The following TSPAN16 variants were observed in gnomAD, a reference collection of about 807,000 sequenced individuals.
The protein encoded by TSPAN16 is tetraspanin 16.
In TSPAN16, 23 loss-of-function variants were observed where a neutral mutation model predicts 25.2. The observed-to-expected ratio is 0.91, with a 90% CI of 0.66 to 1.29. TSPAN16 has a LOEUF of 1.29. Ranked by LOEUF, TSPAN16 falls within the 50% of genes most tolerant of loss-of-function variation. The pLI, the probability that TSPAN16 is intolerant of heterozygous loss-of-function variation, is 0.00. For missense variants in TSPAN16, 272 were observed against 299.9 expected, an observed-to-expected ratio of 0.91 and a Z score of 0.69; for synonymous variants, 123 against 124.4, an observed-to-expected ratio of 0.99 and a Z score of 0.08.
At chr19:11,318,478 T>A (rs2080760381), downstream of TSPAN16, among the ~76,000 whole-genome samples, 1 of 150,906 alleles carries the variant, frequency 6.6e-6, no homozygotes, top group South Asian at 2.1e-4. Context: ...ATCTTCTAAT[T>A]TAATTGAACT....
In TSPAN16 at chr19:11,312,231, C is replaced by T; in HGVS notation, c.687+9C>T. 1 of 1,605,286 alleles carries T rather than the reference C, an allele frequency of 6.2e-7. No individual in the cohort carries two copies. Among genetic ancestry groups the T allele is most frequent in the Non-Finnish European group, 8.5e-7 (1 of 1,174,754 alleles). On this transcript the variant is annotated intron_variant, in intron 6 of 6. Transcript: ENST00000590327. The stretch of plus-strand genomic sequence containing the variant: ...GAGCTGCAGTGATACAGGTAAGACC[C>T]AGCCTCTCTAGGGTCTTTGAGCTGT...
intron 4 of TSPAN16, among the ~76,000 whole-genome samples, chr19:11,302,997 C>T (rs2080581254): frequency 6.6e-6 from 1 of 150,456 alleles, no homozygotes; most frequent in Non-Finnish European, 1.5e-5. Context: ...CTCTGCCCGG[C>T]CGCCCCTACT....
At chr19:11,304,538 A>G (rs1270580778) in intron 4 of TSPAN16, among the ~76,000 whole-genome samples, 1 of 150,786 alleles carries the variant, frequency 6.6e-6, no homozygotes, top group Admixed American at 6.6e-5. Context: ...TTATTTATTT[A>G]TTTTGAGATG....
At chr19:11,308,275 T>C (rs912887996) in intron 5 of TSPAN16, among the ~76,000 whole-genome samples, 1 of 149,854 alleles carries the variant, frequency 6.7e-6, no homozygotes, top group African/African-American at 2.5e-5. Context: ...CAGGGCAACA[T>C]AGCAAAGTCC....
rs116786998 is a variant in TSPAN16 at position 11,301,106 on chromosome 19, G to A, written c.343-95G>A. The A allele has an allele frequency of 6.9e-6, 7 of 1,013,916 alleles. 1 individual carries two copies. Among genetic ancestry groups the A allele is most frequent in the Non-Finnish European group, 1.1e-5 (7 of 647,900 alleles). 62.8% of individuals were successfully genotyped at this position (1,013,916 alleles called of 1,614,324 possible). A position where few individuals can be genotyped will look rare whatever the true frequency, so the allele number is the denominator to read the frequency against. On this transcript the variant is annotated intron_variant, in intron 3 of 6. Transcript: ENST00000590327. Reference sequence around the variant, plus strand: ...GAAAAATGAAGGCAGCACGAGGGACGCTCCCACCTCCCACTCTATCCTCAA... The same window carrying A: ...GAAAAATGAAGGCAGCACGAGGGACACTCCCACCTCCCACTCTATCCTCAA...
chr19:11,312,659 G>C (rs369229528), intron 6 of TSPAN16, among the ~76,000 whole-genome samples: 1 of 152,002 alleles, frequency 6.6e-6, no homozygotes, highest in Non-Finnish European at 1.5e-5. Context: ...CAGCTACTTG[G>C]GGGGCTGAGG....
intron 6 of TSPAN16, among the ~76,000 whole-genome samples, chr19:11,321,618 A>C (rs745617404): frequency 4.4e-4 from 67 of 152,176 alleles, no homozygotes; most frequent in Non-Finnish European, 8.5e-4. Flanking sequence ...AGATAGCAGC[A>C]AGTAGGCCAG....
chr19:11,310,123 T>C (rs1599342123), intron 5 of TSPAN16, among the ~76,000 whole-genome samples: 1 of 150,904 alleles, frequency 6.6e-6, no homozygotes, highest in African/African-American at 2.4e-5. Context: ...AAAACTATTA[T>C]GTGAAAGGGG....
rs1235451307 is a variant in TSPAN16 at position 11,326,762 on chromosome 19, C to G, written c.688-32C>G. ...GGGGCTACAGGTGTGCCCCACCATGCCCGGCTAATTTTTCAATTTTTTCTT... is the reference window on the plus strand; with the variant it reads ...GGGGCTACAGGTGTGCCCCACCATGGCCGGCTAATTTTTCAATTTTTTCTT... On this transcript the variant is annotated intron_variant, in intron 6 of 6. Coordinates refer to the TSPAN16 transcript ENST00000316737. 8.6e-6 allele frequency: 6 copies of G among 696,326 alleles called. No homozygotes were observed. In the South Asian group the frequency reaches 9.0e-5, roughly 10 times the overall value. 43.1% of individuals were successfully genotyped at this position (696,326 alleles called of 1,614,324 possible).
At chr19:11,316,249 G>C (rs577358507), downstream of TSPAN16, among the ~76,000 whole-genome samples, 4 of 151,988 alleles carry the variant, frequency 2.6e-5, no homozygotes, top group East Asian at 7.7e-4. Flanking sequence ...CTCCCGAGTA[G>C]CTGGGATTAC....
chr19:11,296,289 C>G lies in TSPAN16; in HGVS notation c.-9C>G. On this transcript the variant is annotated 5_prime_UTR_variant, in exon 1 of 7. Transcript: ENST00000590327. ...ACTTAAATGTTCAGGGTGCCCCAGT[C>G]TGTTCAGCATGGCTGAAATCCACAC... is the stretch of plus-strand genomic sequence containing the variant. 1 of 1,613,704 alleles carries G rather than the reference C, an allele frequency of 6.2e-7. No homozygotes were observed. The highest frequency in any genetic ancestry group is 8.5e-7 in the Non-Finnish European group (1 of 1,179,694).
At chr19:11,317,226 A>G (rs2080754002), downstream of TSPAN16, among the ~76,000 whole-genome samples, 1 of 152,204 alleles carries the variant, frequency 6.6e-6, no homozygotes, top group Non-Finnish European at 1.5e-5. Flanking sequence ...TTGCGTTCAC[A>G]ACCATAACAC....
chr19:11,299,289 A>G (rs2147934760), intron 3 of TSPAN16, among the ~76,000 whole-genome samples: 1 of 151,948 alleles, frequency 6.6e-6, no homozygotes. Flanking sequence ...AAAAAAAAAA[A>G]AAGATATAGA....
At chr19:11,326,255 C>G (rs947044747) in intron 6 of TSPAN16, among the ~76,000 whole-genome samples, 4 of 151,780 alleles carry the variant, frequency 2.6e-5, no homozygotes, top group Admixed American at 1.3e-4. Context: ...GTGGCGTTCA[C>G]CTGCAGTCTC....
chr19:11,321,039 T>C (rs960810000), intron 6 of TSPAN16, among the ~76,000 whole-genome samples: 14 of 151,080 alleles, frequency 9.3e-5, no homozygotes, highest in East Asian at 1.9e-4. Context: ...CGTAGTGGAG[T>C]GTGCCTGTAA....
intron 6 of TSPAN16, 138 bp from the exon 7 acceptor site, chr19:11,315,653 C>T (rs1334300503): frequency 3.0e-5 from 15 of 494,780 alleles, no homozygotes; most frequent in East Asian, 2.9e-4. Context: ...TTAGCCCAGG[C>T]GGTTCTTCAG....
At chr19:11,320,602 G>A (rs1430002572), downstream of TSPAN16, among the ~76,000 whole-genome samples, 5 of 151,436 alleles carry the variant, frequency 3.3e-5, no homozygotes, top group Non-Finnish European at 2.9e-5. Context: ...GAGTCCAGGA[G>A]TTCGAGGCTG....
At chr19:11,326,412 C>T (rs539295513) in intron 6 of TSPAN16, among the ~76,000 whole-genome samples, 2 of 152,222 alleles carry the variant, frequency 1.3e-5, no homozygotes, top group East Asian at 3.9e-4. Flanking sequence ...CCTGCGGCTG[C>T]AGCCATGGTC....
chr19:11,325,375 G>A, intron 6 of TSPAN16: 1 of 1,465,338 alleles, frequency 6.8e-7, no homozygotes, highest in Non-Finnish European at 9.2e-7. Context: ...GGAGAGGGGT[G>A]GGTGGGGGGT....
Sources: allele counts gnomAD v4.1 joint callset (sites outside exome capture counted in the v4.1 genomes callset), GRCh38; gene constraint gnomAD v4.1.1; transcripts MANE v1.5; gene names NCBI Gene and HGNC (gene_info 2026-07-23, HGNC 2026-07-21).